FCGR2B: variants seen among roughly 807,000 people sequenced by gnomAD.
FCGR2B encodes the protein low affinity immunoglobulin gamma Fc region receptor II-b.
In FCGR2B, 18 loss-of-function variants were observed where a neutral mutation model predicts 24.8. The observed-to-expected ratio is 0.73, with a 90% CI of 0.50 to 1.08. The LOEUF (loss-of-function observed/expected upper bound fraction) is 1.08, where lower values mean the gene tolerates loss of function less well. FCGR2B is among the 50% of genes least tolerant of loss of function. The pLI, the probability that FCGR2B is intolerant of heterozygous loss-of-function variation, is 0.00. For synonymous variants in FCGR2B, 79 were observed against 109.8 expected (o/e 0.72, Z 1.75); for missense variants, 215 against 297.6 (o/e 0.72, Z 2.04).
At chr1:161,660,669 A>ATTT (rs1010083218), upstream of FCGR2B, among the ~76,000 whole-genome samples, 2 of 8,466 alleles carry the variant, frequency 2.4e-4, no homozygotes, top group Non-Finnish European at 9.7e-4. Flanking sequence ...CTGTGCCAAA[A>ATTT]GAAAAAACAA....
chr1:161,651,988 G>A, the FCGR2B span, among the ~76,000 whole-genome samples: 92 of 105,786 alleles, frequency 8.7e-4, no homozygotes, highest in African/African-American at 2.7e-3. Flanking sequence ...AGATCTATGG[G>A]CATTTTAATA....
intron 6 of FCGR2B, chr1:161,677,032 T>A: frequency 4.4e-6 from 2 of 459,716 alleles, no homozygotes; most frequent in Non-Finnish European, 7.7e-6. Flanking sequence ...ATATCTCAGA[T>A]CCCAAGCCTC....
At chr1:161,655,181 T>G in the FCGR2B span, among the ~76,000 whole-genome samples, 2 of 151,348 alleles carry the variant, frequency 1.3e-5, no homozygotes, top group African/African-American at 4.8e-5. Context: ...GCAGGAGTTG[T>G]GCTATGTAGG....
rs1681914416 is a variant in FCGR2B at position 161,673,951 on chromosome 1, C to G, written c.647-9C>G. ...GAGTACTGCCTGTCCTGATGTCTGTCTTCCCTAGCTCCCAGCTCTTCACCG... is the reference window on the plus strand; with the variant it reads ...GAGTACTGCCTGTCCTGATGTCTGTGTTCCCTAGCTCCCAGCTCTTCACCG... On this transcript the variant is annotated splice_polypyrimidine_tract_variant and intron_variant, in intron 4 of 7. Coordinates refer to ENST00000358671, the MANE Select transcript of FCGR2B (RefSeq NM_001394477.1). 2.1e-6 allele frequency: 1 copy of G among 482,344 alleles called. No individual in the cohort carries two copies. Among genetic ancestry groups the G allele is most frequent in the Non-Finnish European group, 3.8e-6 (1 of 263,104 alleles). The allele number at this position is 482,344 out of a possible 1,614,324, so 29.9% of individuals were successfully genotyped here.
At chr1:161,653,370 C>T in the FCGR2B span, among the ~76,000 whole-genome samples, 2 of 131,588 alleles carry the variant, frequency 1.5e-5, no homozygotes, top group Non-Finnish European at 3.4e-5. Context: ...CCCACCACTG[C>T]ACTCCAGCCT....
chr1:161,656,050 T>C, the FCGR2B span, among the ~76,000 whole-genome samples: 1 of 132,704 alleles, frequency 7.5e-6, no homozygotes, highest in Non-Finnish European at 1.7e-5. Context: ...AGAGATGGGG[T>C]TTCACCATGT....
the FCGR2B span, among the ~76,000 whole-genome samples, chr1:161,654,370 TG>T: frequency 0.026 from 10 of 384 alleles, 1 homozygote; most frequent in East Asian, 0.5. Flanking sequence ...GTTTGTTTTT[TG>T]TTGTTGTTGT....
At chr1:161,649,749 A>G in the FCGR2B span, among the ~76,000 whole-genome samples, 122 of 150,016 alleles carry the variant, frequency 8.1e-4, no homozygotes, top group Non-Finnish European at 1.1e-3. Flanking sequence ...TGTGTTGTTT[A>G]TAACTAGGAG....
At chr1:161,671,149 G>T (rs1396999849) in intron 2 of FCGR2B, among the ~76,000 whole-genome samples, 5 of 152,170 alleles carry the variant, frequency 3.3e-5, no homozygotes, top group African/African-American at 9.7e-5. Flanking sequence ...TATTTCGAGG[G>T]TGTTTCTCTT....
the FCGR2B span, among the ~76,000 whole-genome samples, chr1:161,653,013 A>G: frequency 2.2e-5 from 3 of 134,304 alleles, 1 homozygote; most frequent in Admixed American, 2.5e-4. Context: ...TCAGTGGCAG[A>G]GTACTTTTGC....
chr1:161,673,513 G>C (rs1431571778), intron 4 of FCGR2B: 1 of 726,830 alleles, frequency 1.4e-6, no homozygotes, highest in East Asian at 2.7e-5. Flanking sequence ...TTGGTGCAGA[G>C]GTTCCCTAAG....
chr1:161,647,297 CTTTTTTTTTTT>C, the FCGR2B span, among the ~76,000 whole-genome samples: 3 of 122,570 alleles, frequency 2.4e-5, no homozygotes, highest in Admixed American at 2.5e-4. Context: ...GCTCTGGACT[CTTTTTTTTTTT>C]TTTTTTTTTG....
At chr1:161,661,243 AAAGAAAGAAAGAAAGAAAGGAAGG>A (rs1557895176), upstream of FCGR2B, among the ~76,000 whole-genome samples, 3 of 77,594 alleles carry the variant, frequency 3.9e-5, no homozygotes, top group Admixed American at 1.2e-4. Flanking sequence ...AGAAAGAAAG[AAAGAAAGAAAGAAAGAAAGGAAGG>A]AAGCAAGAAA....
chr1:161,654,870 T>G, the FCGR2B span, among the ~76,000 whole-genome samples: 18 of 137,558 alleles, frequency 1.3e-4, no homozygotes, highest in Admixed American at 4.5e-4. Flanking sequence ...GTATTATCTG[T>G]TTTTTTTCAG....
chr1:161,671,966 C>T (rs559211229), intron 3 of FCGR2B: 103 of 460,008 alleles, frequency 2.2e-4, no homozygotes, highest in African/African-American at 1.7e-3. Flanking sequence ...ACTCACTATA[C>T]AACATGATGA....
upstream of FCGR2B, among the ~76,000 whole-genome samples, chr1:161,661,218 GA>G (rs1491400442): frequency 3.0e-5 from 3 of 98,830 alleles, no homozygotes; most frequent in Non-Finnish European, 4.3e-5. Flanking sequence ...AAGAAAGAAA[GA>G]AAGAAAGAAA....
the FCGR2B span, among the ~76,000 whole-genome samples, chr1:161,654,945 G>T: frequency 3.6e-5 from 5 of 139,394 alleles, no homozygotes; most frequent in African/African-American, 1.2e-4. Context: ...AATGAGGCTG[G>T]TTTTCACAGC....
At chr1:161,650,316 G>A in the FCGR2B span, among the ~76,000 whole-genome samples, 178 of 139,616 alleles carry the variant, frequency 1.3e-3, 10 homozygotes, top group East Asian at 5.1e-3. Flanking sequence ...GAAATGCCTA[G>A]TAGGTAGCTA....
the FCGR2B span, among the ~76,000 whole-genome samples, chr1:161,647,556 C>T: frequency 2.7e-5 from 4 of 150,468 alleles, no homozygotes; most frequent in South Asian, 2.1e-4. Context: ...CCCACCGCCT[C>T]GGCCTCCTAA....
Sources: gnomAD v4.1 joint callset for allele counts (sites outside exome capture counted in the v4.1 genomes callset) on GRCh38, gnomAD v4.1.1 for gene constraint, MANE v1.5 for transcripts, NCBI Gene and HGNC (gene_info 2026-07-23, HGNC 2026-07-21) for gene names.